The following IRX5 variants were observed in gnomAD, a reference collection of about 807,000 sequenced individuals.
IRX5 encodes iroquois-class homeodomain protein IRX-5.
A neutral mutation model predicts 37.6 loss-of-function variants in IRX5; 8 were observed. The observed-to-expected ratio is 0.21, with a 90% CI of 0.12 to 0.38. IRX5 has a LOEUF of 0.38. Among genes scored for constraint, IRX5 ranks in the 10% least tolerant of loss-of-function variants. The pLI is 1.00. For missense variants in IRX5, 635 were observed against 695.2 expected (o/e 0.91, Z 0.97); for synonymous variants, 359 against 328.6 (o/e 1.09, Z -1.00).
rs763635286 is a variant in IRX5, at chr16:54,932,620, C to T, written c.372C>T (p.Ala124=). 6.2e-7 allele frequency: 1 copy of T among 1,613,958 alleles called. No homozygotes were observed. Among genetic ancestry groups the T allele is most frequent in the East Asian group, 2.2e-5 (1 of 44,862 alleles). The stretch of plus-strand genomic sequence containing the variant: ...ACCGGAAGAACGCCACAAGGGACGC[C>T]ACGGCTACCCTCAAGGCCTGGCTCA... ...PAYRKNATRD[A]TATLKAWLNE... The change falls in exon 2 of 3, where the codon GCC becomes GCT. Residue 124 remains alanine (A), a synonymous_variant. Coordinates refer to ENST00000394636, the MANE Select transcript of IRX5 (RefSeq NM_005853.6). This position sits in a 1 kb window ranked among gnomAD's most constrained non-coding sequence, Gnocchi z 6.7.
In IRX5 at chr16:54,932,764, G is replaced by A. The variant is rs761150030; in HGVS notation, c.516G>A (p.Lys172=). ...TWFANARRRL[K]KENKMTWTPR... ...TCGCCAACGCGCGCCGGCGCCTCAA[G>A]AAAGAGAATAAAATGACGTGGACGC... Residue 172 remains lysine, a synonymous_variant, in exon 2 of 3, where the codon AAG becomes AAA. Transcript: ENST00000394636. The surrounding 1 kb of genome is among the most constrained non-coding windows in gnomAD (Gnocchi z 6.7). 6.8e-6 allele frequency: 11 copies of A among 1,614,096 alleles called. No homozygotes were observed. In the East Asian group the frequency reaches 2.2e-4, roughly 33 times the overall value.
rs1219365147 is a variant in IRX5 at position 54,934,325 on chromosome 16, AC to A, written c.*453del. On this transcript the variant is annotated 3_prime_UTR_variant, in exon 3 of 3. Transcript: ENST00000394636. ...TCTGCTGGGTATGAGCTAAAGTATT[AC>A]AGAAAGGAAACAGGTTATACTCTTA... 6.5e-6 allele frequency: 1 copy of A among 152,928 alleles called. No individual in the cohort carries two copies. Among genetic ancestry groups the A allele is most frequent in the Non-Finnish European group, 1.5e-5 (1 of 68,248 alleles). 9.5% of individuals were successfully genotyped at this position (152,928 alleles called of 1,614,324 possible).
rs373826345 is a variant in IRX5, at chr16:54,933,675, C to T, written c.1254C>T (p.Phe418=). 1.9e-6 allele frequency: 3 copies of T among 1,613,448 alleles called. No homozygotes were observed. Among genetic ancestry groups the T allele is most frequent in the Non-Finnish European group, 2.5e-6 (3 of 1,179,622 alleles). ...CCGGCTACACGAACTATGGCTCCTT[C>T]GGACACCTTCATGGCCACCCGGGGC... ...FYPGYTNYGS[F]GHLHGHPGPG... is the part of the protein sequence containing the mutation. The change falls in exon 3 of 3, where the codon TTC becomes TTT. Residue 418 remains phenylalanine, a synonymous_variant. Transcript: ENST00000394636.
Position 54,932,417 on chromosome 16 carries a change from C to G in IRX5, c.250-81C>G, listed in dbSNP as rs754495831. On this transcript the variant is annotated intron_variant, in intron 1 of 2. Transcript: ENST00000394636. The surrounding 1 kb of genome is among the most constrained non-coding windows in gnomAD (Gnocchi z 6.7). ...TCGTCCACCCACAGACCCCGGGGAG[C>G]GCAGGGAAAAGGGTGCTTCGGTCGT... is the stretch of plus-strand genomic sequence containing the variant. The G allele has an allele frequency of 3.4e-6, 5 of 1,476,574 alleles. No homozygotes were observed. In the South Asian group the frequency reaches 6.6e-5, roughly 20 times the overall value. The allele number at this position is 1,476,574 out of a possible 1,614,324, so 91.5% of individuals were successfully genotyped here.
In IRX5 at chr16:54,932,325, G is replaced by C. The variant is rs764934616; in HGVS notation, c.250-173G>C. On this transcript the variant is annotated intron_variant, in intron 1 of 2. Coordinates refer to ENST00000394636, the MANE Select transcript of IRX5 (RefSeq NM_005853.6). The surrounding 1 kb of genome is among the most constrained non-coding windows in gnomAD (Gnocchi z 6.7). ...TGAGGTCCCCGCTGCCTTCTGAGGA[G>C]GGGGAGGAGTTGCTCCTAGGTCTGA... 2.2e-5 allele frequency: 16 copies of C among 726,260 alleles called. No individual in the cohort carries two copies. Among genetic ancestry groups the C allele is most frequent in the Admixed American group, 8.4e-5 (3 of 35,524 alleles). The allele number at this position is 726,260 out of a possible 1,614,324, so 45.0% of individuals were successfully genotyped here. A position where few individuals can be genotyped will look rare whatever the true frequency, so the allele number is the denominator to read the frequency against.
Position 54,932,889 on chromosome 16 carries a change from A to G in IRX5, c.641A>G (p.Glu214Gly). 1 of 1,610,746 alleles carries G rather than the reference A, an allele frequency of 6.2e-7. No individual in the cohort carries two copies. Among genetic ancestry groups the G allele is most frequent in the Non-Finnish European group, 8.5e-7 (1 of 1,178,222 alleles). Residue 214 changes from glutamate (E) to glycine (G), a missense_variant, in exon 2 of 3, where the codon GAG becomes GGG. Glu to Gly is a moderately conservative substitution (Grantham distance 98). This residue lies in a region of IRX5 where 244 missense variants were observed against 205.4 expected (regional missense o/e 1.19). Transcript: ENST00000394636. This position sits in a 1 kb window ranked among gnomAD's most constrained non-coding sequence, Gnocchi z 6.7. The stretch of plus-strand genomic sequence containing the variant: ...AAGCCCGAGGACAAGGGCGACCCCG[A>G]GGGCCCCGAAGCAGGTTGGTGGACA... ...PQKPEDKGDP[E>G]GPEAGGAEQK...
rs773070904 is a variant in IRX5, at chr16:54,933,572, G to A, written c.1151G>A (p.Arg384His). ...GCGTCGCCGGCCCCGGCGCCGTCACGCTCGCCCTCGGCGCAGTGTCCTTTT... is the reference window on the plus strand; with the variant it reads ...GCGTCGCCGGCCCCGGCGCCGTCACACTCGCCCTCGGCGCAGTGTCCTTTT... Reference protein sequence around the residue: ...SRASPAPAPSRSPSAQCPFPG... With the variant: ...SRASPAPAPSHSPSAQCPFPG... The change falls in exon 3 of 3, where the codon CGC (arginine) becomes CAC (histidine). Residue 384 changes from arginine (R) to histidine (H), a missense_variant. Physicochemically the swap from Arg to His is conservative, Grantham distance 29 (BLOSUM62 0). Around this residue, in one of 5 missense-constraint regions of IRX5, gnomAD observed 188 missense variants for 200.8 expected, o/e 0.94. Coordinates refer to ENST00000394636, the MANE Select transcript of IRX5 (RefSeq NM_005853.6). The A allele has an allele frequency of 1.5e-5, 24 of 1,608,540 alleles. No homozygotes were observed. The highest frequency in any genetic ancestry group is 1.9e-5 in the Non-Finnish European group (22 of 1,177,354).
Position 54,933,872 on chromosome 16 carries a change from A to G in IRX5, c.1451A>G (p.Ter484=). The G allele has an allele frequency of 6.3e-7, 1 of 1,582,196 alleles. No individual in the cohort carries two copies. The highest frequency in any genetic ancestry group is 8.6e-7 in the Non-Finnish European group (1 of 1,156,610). Residue 484 remains the stop codon, a stop_retained_variant, in exon 3 of 3, where the codon TAA becomes TGA. Coordinates refer to ENST00000394636, the MANE Select transcript of IRX5 (RefSeq NM_005853.6). ...TTGAAGAAAGGTATGTCCGACATTT[A>G]ACGCGGGCTGCGTCGGTCCCGGACT... The part of the protein sequence containing the change: ...YELKKGMSDI[*]
At position 54,931,086 on chromosome 16, in the gene IRX5, G is replaced by A. The variant is rs1963889127; in HGVS notation, c.-113G>A. ...CCGGAGCCCCGGAGCCGGGGCCAGA[G>A]GAGCGGCGGCCCAGGGCAGCCAGAG... On this transcript the variant is annotated 5_prime_UTR_variant, in exon 1 of 3. Coordinates refer to ENST00000394636, the MANE Select transcript of IRX5 (RefSeq NM_005853.6). 2.5e-6 allele frequency: 2 copies of A among 786,828 alleles called. No individual in the cohort carries two copies. Among genetic ancestry groups the A allele is most frequent in the South Asian group, 1.2e-4 (2 of 17,082 alleles). 48.7% of individuals were successfully genotyped at this position (786,828 alleles called of 1,614,324 possible). A position where few individuals can be genotyped will look rare whatever the true frequency, so the allele number is the denominator to read the frequency against.
chr16:54,932,386 C>A lies in IRX5; in HGVS notation c.250-112C>A. 8.0e-7 allele frequency: 1 copy of A among 1,250,492 alleles called. No individual in the cohort carries two copies. The highest frequency in any genetic ancestry group is 1.1e-6 in the Non-Finnish European group (1 of 914,988). 77.5% of individuals were successfully genotyped at this position (1,250,492 alleles called of 1,614,324 possible). A position where few individuals can be genotyped will look rare whatever the true frequency, so the allele number is the denominator to read the frequency against. ...CCTTGCCCCGTAGGAAGCTGGAGTG[C>A]GGGCCTCGTCCACCCACAGACCCCG... On this transcript the variant is annotated intron_variant, in intron 1 of 2. Coordinates refer to ENST00000394636, the MANE Select transcript of IRX5 (RefSeq NM_005853.6). The surrounding 1 kb of genome is among the most constrained non-coding windows in gnomAD (Gnocchi z 6.7).
chr16:54,934,048 A>C lies in IRX5; in HGVS notation c.*175A>C. The stretch of plus-strand genomic sequence containing the variant: ...AAAATGTAAACATCTCCACACAAAA[A>C]AAAAAATGTCTTAACCAACCGAAAA... On this transcript the variant is annotated 3_prime_UTR_variant, in exon 3 of 3. Transcript: ENST00000394636. 1.3e-5 allele frequency: 7 copies of C among 522,114 alleles called. No homozygotes were observed. The highest frequency in any genetic ancestry group is 1.8e-5 in the Non-Finnish European group (6 of 328,198). 32.3% of individuals were successfully genotyped at this position (522,114 alleles called of 1,614,324 possible). A position where few individuals can be genotyped will look rare whatever the true frequency, so the allele number is the denominator to read the frequency against.
At position 54,933,948 on chromosome 16, in the gene IRX5, G is replaced by C; in HGVS notation, c.*75G>C. 7.1e-7 allele frequency: 1 copy of C among 1,411,404 alleles called. No individual in the cohort carries two copies. Among genetic ancestry groups the C allele is most frequent in the Non-Finnish European group, 9.4e-7 (1 of 1,061,156 alleles). 87.4% of individuals were successfully genotyped at this position (1,411,404 alleles called of 1,614,324 possible). On this transcript the variant is annotated 3_prime_UTR_variant, in exon 3 of 3. Coordinates refer to ENST00000394636, the MANE Select transcript of IRX5 (RefSeq NM_005853.6). ...TTGGCAGTTATTTTTCCATCACCGAGAGAGAGAGACAGAGAGAGAAAATAA... is the reference window on the plus strand; with the variant it reads ...TTGGCAGTTATTTTTCCATCACCGACAGAGAGAGACAGAGAGAGAAAATAA...
At position 54,933,312 on chromosome 16, in the gene IRX5, G is replaced by T; in HGVS notation, c.891G>T (p.Ala297=). ...PAPHYPAGAP[A]PGPHPAAGEV... is the part of the protein sequence containing the mutation. ...CTCACTACCCCGCCGGAGCGCCGGCGCCCGGCCCGCATCCAGCCGCGGGCG... is the reference window on the plus strand; with the variant it reads ...CTCACTACCCCGCCGGAGCGCCGGCTCCCGGCCCGCATCCAGCCGCGGGCG... Residue 297 remains alanine, a synonymous_variant, in exon 3 of 3, where the codon GCG becomes GCT. Transcript: ENST00000394636. 1.1e-5 allele frequency: 15 copies of T among 1,426,804 alleles called. No homozygotes were observed. The highest frequency in any genetic ancestry group is 1.4e-5 in the Non-Finnish European group (15 of 1,095,912). 88.4% of individuals were successfully genotyped at this position (1,426,804 alleles called of 1,614,324 possible).
In IRX5 at chr16:54,932,344, G is replaced by T; in HGVS notation, c.250-154G>T. 1.2e-6 allele frequency: 1 copy of T among 850,702 alleles called. No individual in the cohort carries two copies. The highest frequency in any genetic ancestry group is 1.8e-6 in the Non-Finnish European group (1 of 561,856). 52.7% of individuals were successfully genotyped at this position (850,702 alleles called of 1,614,324 possible). On this transcript the variant is annotated intron_variant, in intron 1 of 2. Transcript: ENST00000394636. This position sits in a 1 kb window ranked among gnomAD's most constrained non-coding sequence, Gnocchi z 6.7. ...TGAGGAGGGGGAGGAGTTGCTCCTA[G>T]GTCTGAACCCCGCCAGCCTTGCCCC...
Position 54,932,726 on chromosome 16 carries a change from G to C in IRX5, c.478G>C (p.Val160Leu). The C allele has an allele frequency of 1.9e-6, 3 of 1,613,984 alleles. No individual in the cohort carries two copies. The highest frequency in any genetic ancestry group is 1.7e-6 in the Non-Finnish European group (2 of 1,180,018). ...CATCACCAAGATGACCCTCACCCAG[G>C]TGTCCACCTGGTTCGCCAACGCGCG... ...AIITKMTLTQ[V>L]STWFANARRR... The change falls in exon 2 of 3, where the codon GTG becomes CTG. Residue 160 changes from valine (V) to leucine (L), a missense_variant. Val to Leu is a conservative substitution (Grantham distance 32). This residue lies in a region of IRX5 where 55 missense variants were observed against 120.5 expected (regional missense o/e 0.46). Coordinates refer to ENST00000394636, the MANE Select transcript of IRX5 (RefSeq NM_005853.6). This position sits in a 1 kb window ranked among gnomAD's most constrained non-coding sequence, Gnocchi z 6.7.
chr16:54,931,931 A>G lies in IRX5; in HGVS notation c.249+484A>G, dbSNP rs1963902314. ...CGATTTGGGAGTATTAAATTTCTGA[A>G]AAGTCGGTCGAGCTGCGGTGCATCC... On this transcript the variant is annotated intron_variant, in intron 1 of 2. Coordinates refer to ENST00000394636, the MANE Select transcript of IRX5 (RefSeq NM_005853.6). 2.3e-5 allele frequency: 14 copies of G among 613,020 alleles called. 1 individual carries two copies. In the South Asian group the frequency reaches 2.7e-4, roughly 12 times the overall value. 38.0% of individuals were successfully genotyped at this position (613,020 alleles called of 1,614,324 possible). A position where few individuals can be genotyped will look rare whatever the true frequency, so the allele number is the denominator to read the frequency against.
In IRX5 at chr16:54,933,162, C is replaced by T. The variant is rs765144727; in HGVS notation, c.741C>T (p.Leu247=). Residue 247 remains leucine (L), a synonymous_variant, in exon 3 of 3, where the codon CTC becomes CTT. Coordinates refer to ENST00000394636, the MANE Select transcript of IRX5 (RefSeq NM_005853.6). ...CAGGCAAGGAGACGGAGGGCAGCCT[C>T]AGCGACTCGGATTTTAAGGAGCCGC... The part of the protein sequence containing the change: ...TPAGKETEGS[L]SDSDFKEPPS... 52 of 1,572,800 alleles carry T rather than the reference C, an allele frequency of 3.3e-5. 1 individual carries two copies. In the Admixed American group the frequency reaches 8.4e-4, roughly 25 times the overall value.
chr16:54,932,086 C>T lies in IRX5; in HGVS notation c.250-412C>T, dbSNP rs778731824. ...AAAAAGAAAAAAAGAGCCTTGACTT[C>T]CCTTGTTTTCCCCCCTTGCGCCCAA... is the stretch of plus-strand genomic sequence containing the variant. On this transcript the variant is annotated intron_variant, in intron 1 of 2. Transcript: ENST00000394636. This position sits in a 1 kb window ranked among gnomAD's most constrained non-coding sequence, Gnocchi z 6.7. 1.4e-6 allele frequency: 1 copy of T among 702,858 alleles called. No individual in the cohort carries two copies. The highest frequency in any genetic ancestry group is 1.5e-5 in the South Asian group (1 of 67,604). 43.5% of individuals were successfully genotyped at this position (702,858 alleles called of 1,614,324 possible).
chr16:54,932,957 G>T lies in IRX5; in HGVS notation c.655+54G>T, dbSNP rs1345872115. 1.1e-5 allele frequency: 17 copies of T among 1,587,186 alleles called. No individual in the cohort carries two copies. The highest frequency in any genetic ancestry group is 2.7e-5 in the African/African-American group (2 of 73,560). ...GGCGGGAGTAAAAAGGAAAAGAGAG[G>T]CCTGGAGGGGGCGCGCACGGGGCCT... On this transcript the variant is annotated intron_variant, in intron 2 of 2. Coordinates refer to ENST00000394636, the MANE Select transcript of IRX5 (RefSeq NM_005853.6). This position sits in a 1 kb window ranked among gnomAD's most constrained non-coding sequence, Gnocchi z 6.7.
Sources: allele counts gnomAD v4.1 joint callset, GRCh38; gene constraint gnomAD v4.1.1; regional missense constraint gnomAD v4.1.1; non-coding constraint Gnocchi (gnomAD v3.1); transcripts MANE v1.5; gene names NCBI Gene and HGNC (gene_info 2026-07-23, HGNC 2026-07-21).